IFTAP: variants seen among roughly 807,000 people sequenced by gnomAD.
IFTAP encodes intraflagellar transport associated protein.
In IFTAP, 19 loss-of-function variants were observed where a neutral mutation model predicts 19.4. The ratio of observed to expected loss-of-function variants is 0.98; its 90% confidence interval spans 0.68 to 1.44. The LOEUF is 1.44. Among genes scored for constraint, IFTAP ranks in the 40% most tolerant of loss-of-function variants. The pLI, the probability that IFTAP is intolerant of heterozygous loss-of-function variation, is 0.00. For missense variants in IFTAP, 240 were observed against 253.6 expected, an observed-to-expected ratio of 0.95 and a Z score of 0.36; for synonymous variants, 85 against 83.5, an observed-to-expected ratio of 1.02 and a Z score of -0.10.
intron 1 of IFTAP, among the ~76,000 whole-genome samples, chr11:36,601,371 A>G (rs537168023): frequency 6.6e-6 from 1 of 152,340 alleles, no homozygotes; most frequent in South Asian, 2.1e-4. Context: ...TACAGTTAGT[A>G]TGATGTATTG....
At position 36,624,424 on chromosome 11, in the gene IFTAP, A is replaced by G. The variant is rs146174941; in HGVS notation, c.137-8860A>G. Among the ~76,000 whole-genome samples, 234 of 152,304 alleles carry G rather than the reference A, an allele frequency of 1.5e-3. 1 individual carries two copies. Among genetic ancestry groups the G allele is most frequent in the African/African-American group, 5.3e-3 (219 of 41,558 alleles). On this transcript the variant is annotated intron_variant, in intron 2 of 5. Coordinates refer to ENST00000334307, the MANE Select transcript of IFTAP (RefSeq NM_138787.4). ...TGGGTCATATCCTTAAGACACGTGC[A>G]CTATTTCTTTTTATCCTTTTCCTCC...
chr11:36,645,980 A>G (rs900336006), intron 4 of IFTAP, among the ~76,000 whole-genome samples: 1 of 152,216 alleles, frequency 6.6e-6, no homozygotes, highest in African/African-American at 2.4e-5. Context: ...ATAGATATGC[A>G]TTGGTGCATT....
chr11:36,640,840 A>G (rs1031386212), intron 4 of IFTAP, among the ~76,000 whole-genome samples: 2 of 152,208 alleles, frequency 1.3e-5, no homozygotes, highest in African/African-American at 4.8e-5. Context: ...CAGTGAACCA[A>G]TATTTTCCAA....
chr11:36,647,741 C>T (rs1282396005), intron 4 of IFTAP, among the ~76,000 whole-genome samples: 1 of 151,990 alleles, frequency 6.6e-6, no homozygotes, highest in Non-Finnish European at 1.5e-5. Context: ...ATAAAAGGGA[C>T]AGTCAGGTTA....
rs1854065814 is a variant in IFTAP, at chr11:36,657,896, A to C, written c.499-1123A>C. On this transcript the variant is annotated intron_variant, in intron 5 of 5. Transcript: ENST00000334307. ...AAACAGGAAATGAACGCATCTCCAG[A>C]AGTTGTTCTCCTGCTGATTTTACTA... Among the ~76,000 whole-genome samples the C allele has an allele frequency of 2.0e-5, 3 of 152,302 alleles. No individual in the cohort carries two copies. The South Asian group carries it at 6.2e-4, about 32-fold the overall frequency.
chr11:36,622,489 G>A (rs1479342111), intron 2 of IFTAP, among the ~76,000 whole-genome samples: 1 of 152,036 alleles, frequency 6.6e-6, no homozygotes, highest in African/African-American at 2.4e-5. Context: ...GTTACGGGCA[G>A]GGCCAGTGTA....
chr11:36,607,800 A>G (rs371355755), intron 1 of IFTAP, among the ~76,000 whole-genome samples: 21 of 151,920 alleles, frequency 1.4e-4, no homozygotes, highest in Admixed American at 3.9e-4. Context: ...CAGCCTCCTG[A>G]CTAGCTGGGA....
intron 2 of IFTAP, among the ~76,000 whole-genome samples, chr11:36,631,638 C>T (rs1177022062): frequency 6.6e-6 from 1 of 151,040 alleles, no homozygotes; most frequent in Non-Finnish European, 1.5e-5. Flanking sequence ...GTAACCCCTT[C>T]AGTTACAGAT....
At chr11:36,595,067 A>G (rs1420682094) in intron 1 of IFTAP, 1 of 152,204 alleles carries the variant, frequency 6.6e-6, no homozygotes, top group Admixed American at 6.5e-5. Context: ...TAATAGAAAT[A>G]CAGTTATTAG....
intron 4 of IFTAP, among the ~76,000 whole-genome samples, chr11:36,642,791 T>C (rs1853282839): frequency 6.6e-6 from 1 of 152,124 alleles, no homozygotes; most frequent in Non-Finnish European, 1.5e-5. Context: ...GAAAAGGCCT[T>C]TGACAAAATT....
chr11:36,618,543 A>G (rs1466801286), intron 2 of IFTAP, among the ~76,000 whole-genome samples: 1 of 151,996 alleles, frequency 6.6e-6, no homozygotes, highest in Non-Finnish European at 1.5e-5. Context: ...CTGGTGGGGC[A>G]GAATGTGTAG....
chr11:36,636,057 A>G lies in IFTAP; in HGVS notation c.298A>G (p.Asn100Asp). 2 of 1,601,086 alleles carry G rather than the reference A, an allele frequency of 1.2e-6. No individual in the cohort carries two copies. The highest frequency in any genetic ancestry group is 1.3e-5 in the African/African-American group (1 of 74,780). ...TGTTAATTCTTTTTTCTAGGTAGAT[A>G]ATTTCCTAGATTTAGAAGATTTGGA... ...SSQCLEEQVD[N>D]FLDLEDLDMD... is the part of the protein sequence containing the mutation. The change falls in exon 4 of 6, where the codon AAT (asparagine) becomes GAT (aspartate). Residue 100 changes from asparagine to aspartate, a missense_variant. Coordinates refer to ENST00000334307, the MANE Select transcript of IFTAP (RefSeq NM_138787.4).
chr11:36,643,309 C>T (rs972624276), intron 4 of IFTAP, among the ~76,000 whole-genome samples: 1 of 152,112 alleles, frequency 6.6e-6, no homozygotes, highest in African/African-American at 2.4e-5. Context: ...AGGACCTCTT[C>T]AAGGAGAACT....
chr11:36,652,621 A>G (rs908409237), intron 5 of IFTAP, among the ~76,000 whole-genome samples: 1 of 152,018 alleles, frequency 6.6e-6, no homozygotes, highest in African/African-American at 2.4e-5. Flanking sequence ...GGGCATCCCT[A>G]TCTTGTGCCA....
chr11:36,623,032 G>A (rs1470100876), intron 2 of IFTAP, among the ~76,000 whole-genome samples: 1 of 152,106 alleles, frequency 6.6e-6, no homozygotes, highest in East Asian at 1.9e-4. Flanking sequence ...GACCAAAGAT[G>A]AAGTATCAGA....
At chr11:36,616,540 C>T (rs1189750272) in intron 2 of IFTAP, among the ~76,000 whole-genome samples, 1 of 151,942 alleles carries the variant, frequency 6.6e-6, no homozygotes, top group African/African-American at 2.4e-5. Flanking sequence ...TGCTGGAGGA[C>T]TGGCCTTTGA....
At chr11:36,654,780 G>T (rs537338165) in intron 5 of IFTAP, among the ~76,000 whole-genome samples, 5 of 151,434 alleles carry the variant, frequency 3.3e-5, no homozygotes, top group African/African-American at 1.2e-4. Flanking sequence ...GTCACTTATC[G>T]AGTGCTGCCA....
intron 2 of IFTAP, among the ~76,000 whole-genome samples, chr11:36,622,343 A>C (rs1427609435): frequency 6.6e-6 from 1 of 152,088 alleles, no homozygotes; most frequent in African/African-American, 2.4e-5. Flanking sequence ...AGGTGAGTTA[A>C]AGAGGTTGCC....
At chr11:36,654,972 A>C (rs139908107) in intron 5 of IFTAP, among the ~76,000 whole-genome samples, 76 of 151,882 alleles carry the variant, frequency 5.0e-4, no homozygotes, top group African/African-American at 1.8e-3. Flanking sequence ...AGGGCAGGGC[A>C]TTTTTTTTCT....
Sources: allele counts gnomAD v4.1 joint callset (sites outside exome capture counted in the v4.1 genomes callset), GRCh38; gene constraint gnomAD v4.1.1; transcripts MANE v1.5; gene names NCBI Gene and HGNC (gene_info 2026-07-23, HGNC 2026-07-21).